Variants in LDLRAD4 observed in about 807,000 individuals in gnomAD.
LDLRAD4 encodes low density lipoprotein receptor class A domain containing 4, also known as low-density lipoprotein receptor class A domain-containing protein 4.
A neutral mutation model predicts 17.0 loss-of-function variants in LDLRAD4; 5 were observed. That is an observed-to-expected ratio of 0.29 (90% CI 0.15 to 0.62). The LOEUF is 0.62. Among genes scored for constraint, LDLRAD4 ranks in the 20% least tolerant of loss-of-function variants. The pLI is 0.84. For synonymous variants in LDLRAD4, 168 were observed against 171.8 expected, an observed-to-expected ratio of 0.98 and a Z score of 0.17; for missense variants, 340 against 424.7, an observed-to-expected ratio of 0.80 and a Z score of 1.75.
chr18:13,283,988 C>G (rs1025946939), intron 1 of LDLRAD4, among the ~76,000 whole-genome samples: 1 of 152,136 alleles, frequency 6.6e-6, no homozygotes, highest in African/African-American at 2.4e-5. Context: ...TTCACTATCA[C>G]GAGAATGGCA....
At chr18:13,369,588 G>A (rs966273505) in intron 1 of LDLRAD4, among the ~76,000 whole-genome samples, 8 of 152,144 alleles carry the variant, frequency 5.3e-5, no homozygotes, top group Admixed American at 2.6e-4. Flanking sequence ...CAGGTGCCCC[G>A]GAGTGTACAC....
Position 13,621,213 on chromosome 18 carries a change from C to T in LDLRAD4, c.278C>T (p.Thr93Met), listed in dbSNP as rs2040595602. Residue 93 changes from threonine (T) to methionine (M), a missense_variant, in exon 4 of 6, where the codon ACG becomes ATG. By Grantham distance (81) the Thr-to-Met change is moderately conservative. Coordinates refer to ENST00000359446, the Ensembl canonical transcript of LDLRAD4. The surrounding 1 kb of genome is among the most constrained non-coding windows in gnomAD (Gnocchi z 5.5). ...CTGCTGAACCACTACAAAGTCTCCA[C>T]GCGGTCCTTCATCAACCGCCCGAAC... 1 of 1,614,094 alleles carries T rather than the reference C, an allele frequency of 6.2e-7. No homozygotes were observed. The highest frequency in any genetic ancestry group is 8.5e-7 in the Non-Finnish European group (1 of 1,180,032).
intron 4 of LDLRAD4, among the ~76,000 whole-genome samples, chr18:13,638,662 T>C (rs2042276982): frequency 6.6e-6 from 1 of 152,170 alleles, no homozygotes; most frequent in Non-Finnish European, 1.5e-5. Context: ...CTTATAATGG[T>C]CAAACATGAG....
rs79100795 is a variant in LDLRAD4, at chr18:13,588,943, T to C, written c.182-32174T>C. Among the ~76,000 whole-genome samples, 144 of 151,158 alleles carry C rather than the reference T, an allele frequency of 9.5e-4. 3 individuals are homozygous for C. In the East Asian group the frequency reaches 0.024, roughly 25 times the overall value. ...TTTTTTTCTTTTTTTCTTTTTTTTTTTTTGAGACAGAGTCTCGCTCTGTCG... is the reference window on the plus strand; with the variant it reads ...TTTTTTTCTTTTTTTCTTTTTTTTTCTTTGAGACAGAGTCTCGCTCTGTCG... On this transcript the variant is annotated intron_variant, in intron 3 of 5. Transcript: ENST00000359446.
chr18:13,228,395 A>G (rs2041913968), intron 1 of LDLRAD4, among the ~76,000 whole-genome samples: 1 of 152,080 alleles, frequency 6.6e-6, no homozygotes, highest in African/African-American at 2.4e-5. Context: ...TGGGTGCCTG[A>G]CAAATCCACC....
chr18:13,281,294 C>T (rs1211358639), intron 1 of LDLRAD4, among the ~76,000 whole-genome samples: 4 of 152,104 alleles, frequency 2.6e-5, no homozygotes, highest in African/African-American at 7.2e-5. Context: ...GAGGCTGAGG[C>T]GGGAGGATCA....
At chr18:13,447,429 A>G (rs1350040137) in intron 3 of LDLRAD4, among the ~76,000 whole-genome samples, 1 of 151,778 alleles carries the variant, frequency 6.6e-6, no homozygotes, top group Non-Finnish European at 1.5e-5. Flanking sequence ...TAGGGTCTTA[A>G]ATGGTAATTC....
intron 1 of LDLRAD4, among the ~76,000 whole-genome samples, chr18:13,322,892 T>G (rs1035089944): frequency 3.9e-5 from 6 of 152,144 alleles, no homozygotes; most frequent in Admixed American, 3.9e-4. Flanking sequence ...CCCAAATTGC[T>G]GGCATTACAG....
intron 2 of LDLRAD4, 72 bp from the exon 4 acceptor site, chr18:13,438,172 C>T: frequency 6.9e-7 from 1 of 1,443,930 alleles, no homozygotes; most frequent in Non-Finnish European, 9.7e-7. Context: ...GAAAGAAAAA[C>T]CAACGACAGT....
At chr18:13,346,566 G>GA (rs2082702678) in intron 1 of LDLRAD4, among the ~76,000 whole-genome samples, 2 of 152,178 alleles carry the variant, frequency 1.3e-5, no homozygotes, top group South Asian at 4.1e-4. Flanking sequence ...GATTTGGGGT[G>GA]GAGAGTTCTG....
intron 1 of LDLRAD4, among the ~76,000 whole-genome samples, chr18:13,338,039 T>G (rs1409592727): frequency 1.3e-5 from 2 of 152,164 alleles, no homozygotes; most frequent in African/African-American, 2.4e-5. Context: ...TGCCTTCAGT[T>G]AAGAACTTTA....
chr18:13,349,069 GC>G (rs980732380), intron 1 of LDLRAD4, among the ~76,000 whole-genome samples: 2 of 152,172 alleles, frequency 1.3e-5, no homozygotes, highest in African/African-American at 4.8e-5. Flanking sequence ...TCGGTGCGCT[GC>G]CCCCACTGTC....
chr18:13,254,374 G>A (rs2043389096), intron 1 of LDLRAD4, among the ~76,000 whole-genome samples: 3 of 152,176 alleles, frequency 2.0e-5, no homozygotes, highest in Admixed American at 2.0e-4. Context: ...GCAGTGACAG[G>A]GTCTGTTTGC....
intron 1 of LDLRAD4, among the ~76,000 whole-genome samples, chr18:13,318,037 C>T (rs1007900708): frequency 3.3e-5 from 5 of 152,046 alleles, no homozygotes; most frequent in Admixed American, 2.0e-4. Context: ...TCTGCATTAC[C>T]GTGTGGTTGA....
chr18:13,641,824 T>C, intron 4 of LDLRAD4: 1 of 985,420 alleles, frequency 1.0e-6, no homozygotes, highest in Non-Finnish European at 1.2e-6. Context: ...GGTTTGCTGG[T>C]TTTTCGGGAA....
At chr18:13,435,902 G>A (rs2090623708) in intron 2 of LDLRAD4, among the ~76,000 whole-genome samples, 1 of 152,244 alleles carries the variant, frequency 6.6e-6, no homozygotes, top group African/African-American at 2.4e-5. Flanking sequence ...ATGGGGCCAT[G>A]CCCATTACAA....
At chr18:13,249,406 T>C (rs2043122960) in intron 1 of LDLRAD4, among the ~76,000 whole-genome samples, 1 of 152,194 alleles carries the variant, frequency 6.6e-6, no homozygotes, top group Non-Finnish European at 1.5e-5. Context: ...CACACCAACA[T>C]TTATTTCTTG....
At chr18:13,594,238 T>C (rs1487267559) in intron 3 of LDLRAD4, among the ~76,000 whole-genome samples, 1 of 152,150 alleles carries the variant, frequency 6.6e-6, no homozygotes, top group Non-Finnish European at 1.5e-5. Flanking sequence ...TTACAGGAGA[T>C]GGCTTGTGGC....
chr18:13,325,570 G>T (rs2187501), intron 1 of LDLRAD4, among the ~76,000 whole-genome samples: 53,538 of 151,638 alleles, frequency 0.35, 9,927 homozygotes, highest in African/African-American at 0.47. Flanking sequence ...GCTTCCTGTG[G>T]ACTCCTCAGC....
Sources: allele counts gnomAD v4.1 joint callset (sites outside exome capture counted in the v4.1 genomes callset), GRCh38; gene constraint gnomAD v4.1.1; non-coding constraint Gnocchi (gnomAD v3.1); transcripts MANE v1.5; gene names NCBI Gene and HGNC (gene_info 2026-07-23, HGNC 2026-07-21).